PDLIM1: variants seen among roughly 807,000 people sequenced by gnomAD.
The protein encoded by PDLIM1 is PDZ and LIM domain 1.
In PDLIM1, 25 loss-of-function variants were observed where a neutral mutation model predicts 35.2. The observed-to-expected ratio is 0.71, with a 90% CI of 0.52 to 0.99. The LOEUF (loss-of-function observed/expected upper bound fraction) is 0.99. Ranked by LOEUF, PDLIM1 falls within the 50% of genes least tolerant of loss-of-function variation. The probability of loss-of-function intolerance (pLI) is 0.00; values close to 1 mark genes in which losing one functional copy is unlikely to be tolerated. For synonymous variants in PDLIM1, 152 were observed against 154.0 expected, an observed-to-expected ratio of 0.99 and a Z score of 0.10; for missense variants, 363 against 415.3, an observed-to-expected ratio of 0.87 and a Z score of 1.09.
In PDLIM1 at chr10:95,290,831, C is replaced by A. The variant is rs761095109; in HGVS notation, c.85G>T (p.Ala29Ser). The A allele has an allele frequency of 6.4e-7, 1 of 1,561,686 alleles. No homozygotes were observed. Among genetic ancestry groups the A allele is most frequent in the South Asian group, 1.2e-5 (1 of 86,134 alleles). Residue 29 changes from alanine to serine, a missense_variant, in exon 1 of 7, where the codon GCC becomes TCC. Transcript: ENST00000329399. The surrounding 1 kb of genome is among the most constrained non-coding windows in gnomAD (Gnocchi z 4.7). Reference sequence around the variant, plus strand: ...CCAGCTGCTCTTACCCGGGAAATGGCGAGAGGCTGCTCGAAGTCCTTGCCG... The same window carrying A: ...CCAGCTGCTCTTACCCGGGAAATGGAGAGAGGCTGCTCGAAGTCCTTGCCG... ...VGGKDFEQPL[A>S]ISRVTPGSKA...
chr10:95,253,518 G>A (rs1001919522), intron 4 of PDLIM1, among the ~76,000 whole-genome samples: 1 of 152,136 alleles, frequency 6.6e-6, no homozygotes, highest in Non-Finnish European at 1.5e-5. Flanking sequence ...AGCTGGGCGT[G>A]GTGGCGGATG....
At chr10:95,279,744 G>C (rs1271732796) in intron 1 of PDLIM1, among the ~76,000 whole-genome samples, 2 of 152,170 alleles carry the variant, frequency 1.3e-5, no homozygotes, top group African/African-American at 4.8e-5. Flanking sequence ...AGCAGAAATG[G>C]ATGCAGCAAG....
intron 1 of PDLIM1, among the ~76,000 whole-genome samples, chr10:95,279,552 G>C (rs1469266443): frequency 6.6e-6 from 1 of 152,122 alleles, no homozygotes; most frequent in Non-Finnish European, 1.5e-5. Context: ...AGTTTTTAGG[G>C]GAAATCATTT....
intron 4 of PDLIM1, among the ~76,000 whole-genome samples, chr10:95,251,872 G>A (rs1398173994): frequency 6.6e-6 from 1 of 152,200 alleles, no homozygotes; most frequent in African/African-American, 2.4e-5. Flanking sequence ...CCACGATGGT[G>A]AGCTCCCAGG....
At chr10:95,249,074 C>T (rs1183927800) in intron 4 of PDLIM1, among the ~76,000 whole-genome samples, 1 of 152,240 alleles carries the variant, frequency 6.6e-6, no homozygotes, top group Non-Finnish European at 1.5e-5. Context: ...AGGAGCATGG[C>T]CTGTCTTGCT....
chr10:95,237,733 C>T lies in PDLIM1; in HGVS notation c.*192G>A. On this transcript the variant is annotated 3_prime_UTR_variant, in exon 7 of 7. Transcript: ENST00000329399. ...GGTGACACTGAACAAAACAGTTTTC[C>T]TTTAATTGTAAAAGCGGGCATCGCA... 1 of 571,856 alleles carries T rather than the reference C, an allele frequency of 1.7e-6. No homozygotes were observed. The highest frequency in any genetic ancestry group is 2.4e-5 in the South Asian group (1 of 42,158). 35.4% of individuals were successfully genotyped at this position (571,856 alleles called of 1,614,324 possible).
In PDLIM1 at chr10:95,255,389, C is replaced by T. The variant is rs45448996; in HGVS notation, c.534-8023G>A. Among the ~76,000 whole-genome samples, 299 of 142,912 alleles carry T rather than the reference C, an allele frequency of 2.1e-3. 2 individuals carry two copies. Among genetic ancestry groups the T allele is most frequent in the Non-Finnish European group, 3.5e-3 (230 of 65,728 alleles). 93.8% of individuals were successfully genotyped at this position (142,912 alleles called of 152,430 possible). On this transcript the variant is annotated intron_variant, in intron 4 of 6. Coordinates refer to ENST00000329399, the MANE Select transcript of PDLIM1 (RefSeq NM_020992.4). ...TGAATATTGATGCAAAAATACTCAA[C>T]AAACTACTAGCAAACCAAATTCAAC... is the stretch of plus-strand genomic sequence containing the variant.
chr10:95,264,943 A>G (rs1446877453), intron 3 of PDLIM1, among the ~76,000 whole-genome samples: 1 of 104,412 alleles, frequency 9.6e-6, no homozygotes, highest in East Asian at 2.0e-4. Context: ...CCAGCATCAC[A>G]GCTTTTCTGA....
At position 95,241,306 on chromosome 10, in the gene PDLIM1, C is replaced by G. The variant is rs45562740; in HGVS notation, c.686-2621G>C. Among the ~76,000 whole-genome samples the G allele has an allele frequency of 3.1e-3, 466 of 152,294 alleles. 1 individual carries two copies. The highest frequency in any genetic ancestry group is 0.011 in the African/African-American group (441 of 41,566). ...CGCTATGTTGTGTCTCAAAGTCCTG[C>G]CCTCCAGCGATCCTCCCACCAGAGC... On this transcript the variant is annotated intron_variant, in intron 5 of 6. Transcript: ENST00000329399.
chr10:95,266,422 A>C (rs553535370), intron 3 of PDLIM1, among the ~76,000 whole-genome samples: 113 of 152,110 alleles, frequency 7.4e-4, no homozygotes, highest in Non-Finnish European at 1.4e-3. Context: ...TCTCTCCATC[A>C]CCATGGCAAT....
chr10:95,284,030 C>T (rs190816750), intron 1 of PDLIM1, among the ~76,000 whole-genome samples: 101 of 151,454 alleles, frequency 6.7e-4, no homozygotes, highest in South Asian at 1.5e-3. Flanking sequence ...CTTCATGTCA[C>T]TGTGCATAGT....
intron 4 of PDLIM1, among the ~76,000 whole-genome samples, chr10:95,256,986 A>AG (rs1554832102): frequency 0.012 from 731 of 61,682 alleles, 33 homozygotes; most frequent in African/African-American, 0.045. Flanking sequence ...AAAAAAAAAA[A>AG]AAAGAAAGAA....
At chr10:95,275,763 T>C (rs1214532982) in intron 1 of PDLIM1, among the ~76,000 whole-genome samples, 2 of 152,200 alleles carry the variant, frequency 1.3e-5, no homozygotes, top group Non-Finnish European at 2.9e-5. Flanking sequence ...TGGTTCCAAC[T>C]GTTTTGTGGG....
At chr10:95,243,690 C>A (rs1232551206) in intron 5 of PDLIM1, among the ~76,000 whole-genome samples, 1 of 152,134 alleles carries the variant, frequency 6.6e-6, no homozygotes, top group Non-Finnish European at 1.5e-5. Context: ...TTCCAAACCT[C>A]CAATCATTGA....
At chr10:95,265,508 T>C (rs1195399334) in intron 3 of PDLIM1, among the ~76,000 whole-genome samples, 1 of 144,190 alleles carries the variant, frequency 6.9e-6, no homozygotes, top group Non-Finnish European at 1.5e-5. Context: ...GGCAGGAGAA[T>C]CTCTTGAACC....
chr10:95,246,348 A>G (rs11593722), intron 5 of PDLIM1, among the ~76,000 whole-genome samples: 43,686 of 152,098 alleles, frequency 0.29, 6,495 homozygotes, highest in Non-Finnish European at 0.33. Context: ...ATTGTTATTA[A>G]GTGAAGATAC....
chr10:95,252,144 C>T (rs1329064240), intron 4 of PDLIM1, among the ~76,000 whole-genome samples: 1 of 152,158 alleles, frequency 6.6e-6, no homozygotes, highest in Non-Finnish European at 1.5e-5. Flanking sequence ...GGGGTAGATT[C>T]AGAGAAAGCC....
chr10:95,256,998 G>GA (rs368066745), intron 4 of PDLIM1, among the ~76,000 whole-genome samples: 1,709 of 113,894 alleles, frequency 0.015, 47 homozygotes, highest in African/African-American at 0.034. Flanking sequence ...AAGAAAGAAA[G>GA]AAAGAAAGAA....
intron 1 of PDLIM1, among the ~76,000 whole-genome samples, chr10:95,285,435 T>G (rs1427121265): frequency 6.6e-6 from 1 of 152,166 alleles, no homozygotes; most frequent in Admixed American, 6.5e-5. Context: ...AATGAAATAT[T>G]GACAGTTATG....
Sources: gnomAD v4.1 joint callset for allele counts (sites outside exome capture counted in the v4.1 genomes callset) on GRCh38, gnomAD v4.1.1 for gene constraint, Gnocchi (gnomAD v3.1) non-coding constraint, MANE v1.5 for transcripts, NCBI Gene and HGNC (gene_info 2026-07-23, HGNC 2026-07-21) for gene names.